The following CLTC variants were observed in gnomAD, a reference collection of about 807,000 sequenced individuals.
CLTC encodes clathrin heavy chain.
In CLTC, 16 loss-of-function variants were observed where a neutral mutation model predicts 195.8. The observed-to-expected ratio is 0.08, with a 90% CI of 0.06 to 0.12. The LOEUF (loss-of-function observed/expected upper bound fraction) is 0.12. Among genes scored for constraint, CLTC ranks in the 10% least tolerant of loss-of-function variants. The pLI is 1.00. For synonymous variants in CLTC, 667 were observed against 689.4 expected (o/e 0.97, Z 0.51); for missense variants, 796 against 2,027.0 (o/e 0.39, Z 11.66).
At chr17:59,657,092 T>C (rs1374290714) in intron 6 of CLTC, among the ~76,000 whole-genome samples, 1 of 152,200 alleles carries the variant, frequency 6.6e-6, no homozygotes, top group Non-Finnish European at 1.5e-5. Context: ...CAAATTAGTA[T>C]TTTTCCCAGA....
In CLTC at chr17:59,666,460, C is replaced by A. The variant is rs1419429981; in HGVS notation, c.1783-20C>A. 5 of 1,607,256 alleles carry A rather than the reference C, an allele frequency of 3.1e-6. No individual in the cohort carries two copies. In the Admixed American group the frequency reaches 8.4e-5, roughly 27 times the overall value. On this transcript the variant is annotated intron_variant, in intron 11 of 31. Coordinates refer to ENST00000269122, the MANE Select transcript of CLTC (RefSeq NM_004859.4). The surrounding 1 kb of genome is among the most constrained non-coding windows in gnomAD (Gnocchi z 4.9). ...GTAAGTGGAGTGGACAATAAACTTG[C>A]CTTGTTTGTGGTTTTACAGGTTGCA... is the stretch of plus-strand genomic sequence containing the variant.
chr17:59,620,273 G>A, intron 1 of CLTC, 100 bp downstream of exon 1: 1 of 1,255,916 alleles, frequency 8.0e-7, no homozygotes, highest in Non-Finnish European at 1.2e-6. Context: ...CTGGAGGGGC[G>A]GGGGGGTTGT....
chr17:59,684,936 T>C (rs2033150459), intron 28 of CLTC, 120 bp from the exon 29 acceptor site: 1 of 706,160 alleles, frequency 1.4e-6, no homozygotes, highest in African/African-American at 1.8e-5. Context: ...TCATACCTTT[T>C]GATGCTTGAA....
chr17:59,676,724 G>A (rs980567037), intron 16 of CLTC, among the ~76,000 whole-genome samples: 1 of 152,096 alleles, frequency 6.6e-6, no homozygotes, highest in African/African-American at 2.4e-5. Flanking sequence ...CCAGCTACTC[G>A]GGAGGCTGAG....
intron 1 of CLTC, among the ~76,000 whole-genome samples, chr17:59,620,690 C>G (rs1013305768): frequency 2.0e-5 from 3 of 151,244 alleles, no homozygotes; most frequent in African/African-American, 2.4e-5. Flanking sequence ...CTGAGAAAGG[C>G]ACCTTCTCCG....
At chr17:59,651,068 G>T in intron 4 of CLTC, 135 bp from the exon 5 acceptor site, 1 of 597,340 alleles carries the variant, frequency 1.7e-6, no homozygotes, top group African/African-American at 1.9e-5. Context: ...CCATGGTATG[G>T]ATGTAACCAA....
At chr17:59,649,708 G>A (rs1388535489) in intron 4 of CLTC, among the ~76,000 whole-genome samples, 1 of 152,202 alleles carries the variant, frequency 6.6e-6, no homozygotes, top group Non-Finnish European at 1.5e-5. Context: ...AGAGGAAACA[G>A]TAAGTAATGA....
At position 59,695,290 on chromosome 17, in the gene CLTC, C is replaced by G. The variant is rs569715651; in HGVS notation, c.*1438C>G. ...ACACATACCCCCTTGCCTAGTTAGT[C>G]TTGCACTGCTTTACAACTCTCTTAG... On this transcript the variant is annotated 3_prime_UTR_variant, in exon 32 of 32. Transcript: ENST00000269122. 1.6e-5 allele frequency: 3 copies of G among 189,690 alleles called. No individual in the cohort carries two copies. The highest frequency in any genetic ancestry group is 7.0e-5 in the African/African-American group (3 of 42,978). 11.8% of individuals were successfully genotyped at this position (189,690 alleles called of 1,614,324 possible). A position where few individuals can be genotyped will look rare whatever the true frequency, so the allele number is the denominator to read the frequency against.
At chr17:59,651,566 T>C (rs187410018) in intron 5 of CLTC, among the ~76,000 whole-genome samples, 1 of 152,218 alleles carries the variant, frequency 6.6e-6, no homozygotes, top group African/African-American at 2.4e-5. Context: ...TAAGAATTCT[T>C]TGGTTTCCCA....
chr17:59,622,361 A>C (rs1174491686), intron 1 of CLTC, among the ~76,000 whole-genome samples: 6 of 152,106 alleles, frequency 3.9e-5, no homozygotes, highest in African/African-American at 1.4e-4. Context: ...ACTTCATATC[A>C]TTATCTCCTC....
chr17:59,677,210 T>C (rs376203961), intron 17 of CLTC, 22 bp downstream of exon 17: 9 of 1,563,754 alleles, frequency 5.8e-6, no homozygotes, highest in African/African-American at 4.1e-5. Flanking sequence ...TAGCTGAATA[T>C]GTAGAGAAGC....
chr17:59,636,202 A>T (rs2031855914), intron 1 of CLTC, among the ~76,000 whole-genome samples: 1 of 151,956 alleles, frequency 6.6e-6, no homozygotes, highest in South Asian at 2.1e-4. Flanking sequence ...CAAATAATGG[A>T]GTGCTCTGTG....
Position 59,682,667 on chromosome 17 carries a change from T to C in CLTC, c.3639T>C (p.Ala1213=). Residue 1213 remains alanine, a synonymous_variant, in exon 23 of 32, where the codon GCT becomes GCC. Coordinates refer to ENST00000269122, the MANE Select transcript of CLTC (RefSeq NM_004859.4). This position sits in a 1 kb window ranked among gnomAD's most constrained non-coding sequence, Gnocchi z 6.8. ...DRCYDEKMYD[A]AKLLYNNVSN... Reference sequence around the variant, plus strand: ...GTTATGATGAAAAAATGTATGATGCTGCTAAGTTGTTGTACAATAATGTTT... The same window carrying C: ...GTTATGATGAAAAAATGTATGATGCCGCTAAGTTGTTGTACAATAATGTTT... 6.2e-7 allele frequency: 1 copy of C among 1,614,154 alleles called. No homozygotes were observed. Among genetic ancestry groups the C allele is most frequent in the South Asian group, 1.1e-5 (1 of 91,080 alleles).
Position 59,661,499 on chromosome 17 carries a change from A to G in CLTC, c.1224A>G (p.Pro408=), listed in dbSNP as rs988861844. Residue 408 remains proline (P), a synonymous_variant, in exon 8 of 32, where the codon CCA becomes CCG. Coordinates refer to ENST00000269122, the MANE Select transcript of CLTC (RefSeq NM_004859.4). ...GGTTCCAGAGTGTCCCAGCCCAGCC[A>G]GGTCAAACTTCTCCTCTACTTCAGT... ...IRRFQSVPAQ[P]GQTSPLLQYF... The G allele has an allele frequency of 6.2e-7, 1 of 1,614,024 alleles. No individual in the cohort carries two copies. The highest frequency in any genetic ancestry group is 1.3e-5 in the African/African-American group (1 of 74,928).
intron 1 of CLTC, among the ~76,000 whole-genome samples, chr17:59,640,660 A>C (rs892266854): frequency 2.6e-5 from 4 of 151,396 alleles, no homozygotes; most frequent in African/African-American, 7.3e-5. Context: ...TGGCCTCCCA[A>C]AGTGCTGGGA....
intron 1 of CLTC, among the ~76,000 whole-genome samples, chr17:59,634,075 G>T (rs913548146): frequency 2.0e-5 from 3 of 152,024 alleles, no homozygotes; most frequent in Non-Finnish European, 4.4e-5. Context: ...CGCCTGGACA[G>T]TTTTTTTATT....
At chr17:59,671,693 T>G (rs762685625) in intron 14 of CLTC, among the ~76,000 whole-genome samples, 3 of 152,178 alleles carry the variant, frequency 2.0e-5, no homozygotes, top group Non-Finnish European at 4.4e-5. Context: ...CTTTTTTTCT[T>G]TCTTTCCTGG....
chr17:59,694,897 G>C lies in CLTC; in HGVS notation c.*1045G>C, dbSNP rs1388251622. On this transcript the variant is annotated 3_prime_UTR_variant, in exon 32 of 32. Coordinates refer to ENST00000269122, the MANE Select transcript of CLTC (RefSeq NM_004859.4). ...AGGAATGAGGATTGAGACATGTGAA[G>C]ACATTGTGCATTATATCAATGTGCA... is the stretch of plus-strand genomic sequence containing the variant. 4.5e-6 allele frequency: 1 copy of C among 224,578 alleles called. No individual in the cohort carries two copies. Among genetic ancestry groups the C allele is most frequent in the Non-Finnish European group, 8.9e-6 (1 of 112,476 alleles). The allele number at this position is 224,578 out of a possible 1,614,324, so 13.9% of individuals were successfully genotyped here.
intron 1 of CLTC, among the ~76,000 whole-genome samples, chr17:59,634,084 T>C (rs2143465027): frequency 6.6e-6 from 1 of 152,260 alleles, no homozygotes; most frequent in South Asian, 2.1e-4. Context: ...AGTTTTTTTA[T>C]TTTTTGTAGG....
Sources: gnomAD v4.1 joint callset for allele counts (sites outside exome capture counted in the v4.1 genomes callset) on GRCh38, gnomAD v4.1.1 for gene constraint, Gnocchi (gnomAD v3.1) non-coding constraint, MANE v1.5 for transcripts, NCBI Gene and HGNC (gene_info 2026-07-23, HGNC 2026-07-21) for gene names.